Variants in CLNK observed in about 807,000 individuals in gnomAD.
CLNK encodes the protein cytokine dependent hematopoietic cell linker.
Under a neutral mutation model 68.6 loss-of-function variants are expected in CLNK, and 74 were observed. The ratio of observed to expected loss-of-function variants is 1.08; its 90% confidence interval spans 0.89 to 1.31. The LOEUF (loss-of-function observed/expected upper bound fraction) is 1.31. CLNK is among the 50% of genes most tolerant of loss of function. CLNK has a pLI of 0.00. For missense variants in CLNK, 553 were observed against 515.3 expected (o/e 1.07, Z -0.71); for synonymous variants, 198 against 172.2 (o/e 1.15, Z -1.17).
rs752431496 is a variant in CLNK at position 10,667,900 on chromosome 4, C to T, written c.-31G>A. 1.7e-5 allele frequency: 26 copies of T among 1,572,602 alleles called. No individual in the cohort carries two copies. The highest frequency in any genetic ancestry group is 1.4e-5 in the African/African-American group (1 of 73,244). On this transcript the variant is annotated 5_prime_UTR_variant, in exon 2 of 19. Transcript: ENST00000226951. ...TTGGCACCTGGCGGGTAAGAGGGAT[C>T]TTCAATTCAGCCTGTGGAAACAAAA...
chr4:10,542,214 T>C (rs1339259674), intron 9 of CLNK, 41 bp downstream of exon 9: 1 of 1,360,168 alleles, frequency 7.4e-7, no homozygotes, highest in Non-Finnish European at 1.0e-6. Flanking sequence ...GCTTCTAAAG[T>C]AAATAATGAA....
intron 2 of CLNK, among the ~76,000 whole-genome samples, chr4:10,618,881 G>T (rs541761126): frequency 1.3e-5 from 2 of 152,176 alleles, no homozygotes; most frequent in Non-Finnish European, 2.9e-5. Flanking sequence ...ATCCAATCAC[G>T]TCCCACCAGG....
At chr4:10,531,825 G>A (rs1194421045) in intron 12 of CLNK, 3 of 459,750 alleles carry the variant, frequency 6.5e-6, no homozygotes, top group Non-Finnish European at 1.3e-5. Flanking sequence ...TAGGTGGCAC[G>A]GCAGGATTCC....
intron 6 of CLNK, among the ~76,000 whole-genome samples, chr4:10,565,105 G>A (rs149170056): frequency 1.4e-4 from 22 of 151,968 alleles, no homozygotes; most frequent in African/African-American, 5.1e-4. Flanking sequence ...CCCCATGCCA[G>A]CTCTCCTTTC....
intron 14 of CLNK, among the ~76,000 whole-genome samples, chr4:10,522,572 C>CAAAAAAAAAA (rs58663693): frequency 1.7e-5 from 2 of 116,430 alleles, no homozygotes; most frequent in Admixed American, 1.9e-4. Context: ...GAAACTCTCT[C>CAAAAAAAAAA]AAAAAAAAAA....
chr4:10,680,130 A>G (rs1314886734), intron 1 of CLNK, among the ~76,000 whole-genome samples: 1 of 152,140 alleles, frequency 6.6e-6, no homozygotes, highest in African/African-American at 2.4e-5. Flanking sequence ...ATGTCCAACA[A>G]TGATAGACTG....
chr4:10,516,041 C>G (rs1399129813), intron 15 of CLNK, among the ~76,000 whole-genome samples: 3 of 151,962 alleles, frequency 2.0e-5, no homozygotes, highest in Non-Finnish European at 4.4e-5. Flanking sequence ...CATTGCATGT[C>G]TTTCCAGTCA....
intron 1 of CLNK, among the ~76,000 whole-genome samples, chr4:10,680,336 G>C (rs1385004589): frequency 1.5e-5 from 2 of 135,282 alleles, no homozygotes; most frequent in African/African-American, 2.8e-5. Flanking sequence ...ATGGACGCAG[G>C]AAGGGGAACA....
chr4:10,642,480 G>A (rs1047136634), intron 2 of CLNK, among the ~76,000 whole-genome samples: 1 of 152,188 alleles, frequency 6.6e-6, no homozygotes, highest in Admixed American at 6.5e-5. Context: ...GGGAGAGGAG[G>A]TCTTTCTAGG....
At chr4:10,636,287 G>T (rs1241351811) in intron 2 of CLNK, among the ~76,000 whole-genome samples, 3 of 152,136 alleles carry the variant, frequency 2.0e-5, no homozygotes, top group Non-Finnish European at 2.9e-5. Flanking sequence ...GATGAGAACA[G>T]ACACAGAGAG....
chr4:10,674,171 C>T (rs1724778261), intron 1 of CLNK, among the ~76,000 whole-genome samples: 1 of 152,058 alleles, frequency 6.6e-6, no homozygotes, highest in East Asian at 1.9e-4. Context: ...AAGAGGAGAC[C>T]ACACCCTACT....
At chr4:10,535,795 TA>T (rs143514446) in intron 11 of CLNK, among the ~76,000 whole-genome samples, 1,567 of 152,298 alleles carry the variant, frequency 0.01, 28 homozygotes, top group African/African-American at 0.036. Context: ...AAGTTATTTA[TA>T]ATAATTATAT....
the CLNK span, chr4:10,697,240 A>G: frequency 1.3e-5 from 2 of 152,348 alleles, no homozygotes; most frequent in Admixed American, 1.3e-4. Context: ...TCTCACTGAC[A>G]CTGGATCCGT....
At chr4:10,585,769 T>C (rs1020180307) in intron 3 of CLNK, among the ~76,000 whole-genome samples, 1 of 152,202 alleles carries the variant, frequency 6.6e-6, no homozygotes, top group African/African-American at 2.4e-5. Context: ...CTGGGCAACA[T>C]AGCAAGATCT....
At chr4:10,573,170 C>A (rs7667170) in intron 4 of CLNK, among the ~76,000 whole-genome samples, 1 of 152,178 alleles carries the variant, frequency 6.6e-6, no homozygotes, top group Non-Finnish European at 1.5e-5. Context: ...CTGAATTCCC[C>A]TATCTTACCA....
intron 12 of CLNK, chr4:10,531,360 A>T (rs971744169): frequency 6.5e-6 from 1 of 153,236 alleles, no homozygotes; most frequent in East Asian, 1.9e-4. Context: ...TTTGTGCACT[A>T]CTTACTTTTG....
intron 1 of CLNK, among the ~76,000 whole-genome samples, chr4:10,677,097 G>C (rs1724906638): frequency 6.6e-6 from 1 of 150,578 alleles, no homozygotes; most frequent in African/African-American, 2.4e-5. Flanking sequence ...TCCATTGCTT[G>C]ATTAATGCAT....
the CLNK span, among the ~76,000 whole-genome samples, chr4:10,713,169 T>C: frequency 1.3e-5 from 2 of 152,172 alleles, no homozygotes; most frequent in Non-Finnish European, 2.9e-5. Flanking sequence ...GAAGAACCCA[T>C]TGGACTGTAA....
chr4:10,688,985 T>A (rs1013524722), upstream of CLNK, among the ~76,000 whole-genome samples: 5 of 152,102 alleles, frequency 3.3e-5, no homozygotes, highest in Admixed American at 3.3e-4. Context: ...ATAAACATTT[T>A]GTGCAGAAAC....
Sources: gnomAD v4.1 joint callset for allele counts (sites outside exome capture counted in the v4.1 genomes callset) on GRCh38, gnomAD v4.1.1 for gene constraint, MANE v1.5 for transcripts, NCBI Gene and HGNC (gene_info 2026-07-23, HGNC 2026-07-21) for gene names.